Variants in FBH1 observed in about 807,000 individuals in gnomAD.
FBH1 encodes F-box DNA helicase 1, also known as DNA 3'-5' helicase 1.
FBH1 carries 43 observed loss-of-function variants against 115.5 expected under a neutral mutation model. The ratio of observed to expected loss-of-function variants is 0.37; its 90% confidence interval spans 0.29 to 0.48. The LOEUF (loss-of-function observed/expected upper bound fraction) is 0.48. Ranked by LOEUF, FBH1 falls within the 20% of genes least tolerant of loss-of-function variation. The probability of loss-of-function intolerance (pLI) is 0.99; values close to 1 mark genes in which losing one functional copy is unlikely to be tolerated. For synonymous variants in FBH1, 524 were observed against 507.8 expected (o/e 1.03, Z -0.43); for missense variants, 1,001 against 1,337.3 (o/e 0.75, Z 3.92).
At chr10:5,920,374 C>T (rs1453043762) in intron 13 of FBH1, among the ~76,000 whole-genome samples, 1 of 152,234 alleles carries the variant, frequency 6.6e-6, no homozygotes, top group Admixed American at 6.5e-5. Context: ...GGTTTCTTCA[C>T]TGTAGAGTTC....
At position 5,937,092 on chromosome 10, in the gene FBH1, T is replaced by C. The variant is rs766385560; in HGVS notation, c.2962-18T>C. On this transcript the variant is annotated intron_variant, in intron 20 of 20. Transcript: ENST00000362091. ...TTTGGTTGTTCCCCTTAGCTCTCTC[T>C]CTTGTCCATCACCACAGAGCAACAG... is the stretch of plus-strand genomic sequence containing the variant. 6.3e-7 allele frequency: 1 copy of C among 1,581,178 alleles called. No homozygotes were observed. Among genetic ancestry groups the C allele is most frequent in the Non-Finnish European group, 8.6e-7 (1 of 1,162,092 alleles).
At chr10:5,905,997 C>A in intron 2 of FBH1, 40 bp from the exon 3 acceptor site, 2 of 1,427,484 alleles carry the variant, frequency 1.4e-6, no homozygotes, top group Non-Finnish European at 2.0e-6. Flanking sequence ...CAACAGTCAT[C>A]GTTCATTTCT....
Position 5,925,603 on chromosome 10 carries a change from G to T in FBH1, c.2722+111G>T. The T allele has an allele frequency of 1.4e-6, 2 of 1,462,426 alleles. No individual in the cohort carries two copies. The highest frequency in any genetic ancestry group is 1.8e-6 in the Non-Finnish European group (2 of 1,083,534). 90.6% of individuals were successfully genotyped at this position (1,462,426 alleles called of 1,614,324 possible). Reference sequence around the variant, plus strand: ...TTGGATGGTGTGGCCTCCTGGTAGGGCACTTCTGGAAAAACTAAACCACAA... The same window carrying T: ...TTGGATGGTGTGGCCTCCTGGTAGGTCACTTCTGGAAAAACTAAACCACAA... On this transcript the variant is annotated intron_variant, in intron 18 of 20. Coordinates refer to ENST00000362091, the MANE Select transcript of FBH1 (RefSeq NM_178150.3). The surrounding 1 kb of genome is among the most constrained non-coding windows in gnomAD (Gnocchi z 4.6).
In FBH1 at chr10:5,911,994, G is replaced by T. The variant is rs1171426305; in HGVS notation, c.1211+866G>T. ...TGAGGAAGAGAAAAAGTGCAGTGTG[G>T]CAAGGGTGGGAGGGAACACAAGATT... On this transcript the variant is annotated intron_variant, in intron 6 of 20. Coordinates refer to ENST00000362091, the MANE Select transcript of FBH1 (RefSeq NM_178150.3). The surrounding 1 kb of genome is among the most constrained non-coding windows in gnomAD (Gnocchi z 5.4). Among the ~76,000 whole-genome samples, 3 of 152,236 alleles carry T rather than the reference G, an allele frequency of 2.0e-5. No homozygotes were observed. The East Asian group carries it at 5.8e-4, about 29-fold the overall frequency.
rs1320259385 is a variant in FBH1, at chr10:5,931,633, C to T, written c.2829+4092C>T. On this transcript the variant is annotated intron_variant, in intron 19 of 20. Coordinates refer to ENST00000362091, the MANE Select transcript of FBH1 (RefSeq NM_178150.3). The surrounding 1 kb of genome is among the most constrained non-coding windows in gnomAD (Gnocchi z 4.3). ...GAATACTGACTGGACTTGAAGATTT[C>T]CTAACAGCTCCATTTCTCCATGAAT... 6.6e-6 allele frequency among the ~76,000 whole-genome samples: 1 copy of T among 152,088 alleles called. No individual in the cohort carries two copies. Among genetic ancestry groups the T allele is most frequent in the African/African-American group, 2.4e-5 (1 of 41,396 alleles).
In FBH1 at chr10:5,900,845, C is replaced by T. The variant is rs1288082547; in HGVS notation, c.2-2175C>T. On this transcript the variant is annotated intron_variant, in intron 1 of 20. Coordinates refer to ENST00000362091, the MANE Select transcript of FBH1 (RefSeq NM_178150.3). The surrounding 1 kb of genome is among the most constrained non-coding windows in gnomAD (Gnocchi z 4.2). ...GGCACAGTGGCTCACATCTGTAATC[C>T]CAGCACTTTGGGAGGCCGAGGTGGA... Among the ~76,000 whole-genome samples the T allele has an allele frequency of 6.6e-6, 1 of 152,056 alleles. No individual in the cohort carries two copies. The highest frequency in any genetic ancestry group is 2.4e-5 in the African/African-American group (1 of 41,390).
rs1406420148 is a variant in FBH1 at position 5,895,758 on chromosome 10, T to A, written c.1+5412T>A. Among the ~76,000 whole-genome samples the A allele has an allele frequency of 6.6e-6, 1 of 152,154 alleles. No individual in the cohort carries two copies. Among genetic ancestry groups the A allele is most frequent in the African/African-American group, 2.4e-5 (1 of 41,440 alleles). On this transcript the variant is annotated intron_variant, in intron 1 of 20. Coordinates refer to ENST00000362091, the MANE Select transcript of FBH1 (RefSeq NM_178150.3). The surrounding 1 kb of genome is among the most constrained non-coding windows in gnomAD (Gnocchi z 5.0). ...TTTGAACACCCGGCTTCTAAGGATG[T>A]CCTGGGAATCAGCTTCCCAGTTAAG...
upstream of FBH1, chr10:5,890,230 T>A (rs188143833): frequency 2.0e-5 from 7 of 354,386 alleles, no homozygotes; most frequent in Admixed American, 4.8e-5. Flanking sequence ...TCGGCGGGCG[T>A]CTCGGGCTCC....
At chr10:5,905,336 C>G (rs983548937) in intron 2 of FBH1, 1 of 152,144 alleles carries the variant, frequency 6.6e-6, no homozygotes, top group African/African-American at 2.4e-5. Flanking sequence ...CTGGCCAACA[C>G]GGCGAAACCC....
chr10:5,907,716 C>T (rs1015928825), intron 3 of FBH1, among the ~76,000 whole-genome samples: 12 of 152,004 alleles, frequency 7.9e-5, no homozygotes, highest in African/African-American at 1.9e-4. Flanking sequence ...TTAAGTGATC[C>T]GCCTGTCTCA....
Position 5,936,799 on chromosome 10 carries a change from TCTGGGAGG to T in FBH1, c.2961+218_2961+225del. 1.5e-6 allele frequency: 1 copy of T among 653,256 alleles called. No homozygotes were observed. The allele number at this position is 653,256 out of a possible 1,614,324, so 40.5% of individuals were successfully genotyped here. Reference sequence around the variant, plus strand: ...TGCCTGGCTGTGCTGAAGCCGCAGGTCTGGGAGGCTGGGTTGTGATACACGCTTAGAGA... The same window carrying T: ...TGCCTGGCTGTGCTGAAGCCGCAGGTCTGGGTTGTGATACACGCTTAGAGA... On this transcript the variant is annotated intron_variant, in intron 20 of 20. Transcript: ENST00000362091. The surrounding 1 kb of genome is among the most constrained non-coding windows in gnomAD (Gnocchi z 5.6).
rs1426332182 is a variant in FBH1 at position 5,910,095 on chromosome 10, A to G, written c.1020+801A>G. On this transcript the variant is annotated intron_variant, in intron 5 of 20. Coordinates refer to ENST00000362091, the MANE Select transcript of FBH1 (RefSeq NM_178150.3). This position sits in a 1 kb window ranked among gnomAD's most constrained non-coding sequence, Gnocchi z 4.8. ...TCAGGAGTTCGAGACCAGCCTGGCC[A>G]ACATGGTGAAACCCTGTCTCTACCA... Among the ~76,000 whole-genome samples the G allele has an allele frequency of 6.6e-6, 1 of 152,210 alleles. No individual in the cohort carries two copies. The highest frequency in any genetic ancestry group is 1.5e-5 in the Non-Finnish European group (1 of 68,044).
rs982437502 is a variant in FBH1, at chr10:5,918,260, G to A, written c.1964-82G>A. ...GTCCAGTGTGCCCTGGCTTAGCTTC[G>A]TGGAAGTGTTTTTGTCCTTTTCTTT... On this transcript the variant is annotated intron_variant, in intron 12 of 20. Coordinates refer to ENST00000362091, the MANE Select transcript of FBH1 (RefSeq NM_178150.3). This position sits in a 1 kb window ranked among gnomAD's most constrained non-coding sequence, Gnocchi z 4.0. 1.8e-5 allele frequency: 28 copies of A among 1,553,434 alleles called. No homozygotes were observed. The South Asian group carries it at 2.0e-4, about 11-fold the overall frequency.
At chr10:5,903,400 G>A (rs1293574519) in intron 2 of FBH1, among the ~76,000 whole-genome samples, 6 of 149,154 alleles carry the variant, frequency 4.0e-5, no homozygotes, top group African/African-American at 1.2e-4. Context: ...GCGCAATCTC[G>A]GCTCACTGCA....
intron 2 of FBH1, chr10:5,905,210 C>T (rs1843620046): frequency 6.6e-6 from 1 of 152,216 alleles, no homozygotes. Flanking sequence ...AATGTGTCAC[C>T]TTCACAGGAA....
chr10:5,915,809 A>C lies in FBH1; in HGVS notation c.1565+238A>C, dbSNP rs1749475034. The C allele has an allele frequency of 1.3e-5, 7 of 534,156 alleles. No individual in the cohort carries two copies. The South Asian group carries it at 1.4e-4, about 11-fold the overall frequency. 33.1% of individuals were successfully genotyped at this position (534,156 alleles called of 1,614,324 possible). ...CAAGAGGGGTGTTCTCATGGAAGTG[A>C]GGCACAGAAAGTCAAAATGACTTGC... On this transcript the variant is annotated intron_variant, in intron 9 of 20. Transcript: ENST00000362091. This position sits in a 1 kb window ranked among gnomAD's most constrained non-coding sequence, Gnocchi z 5.2.
At chr10:5,902,252 C>T (rs771562613) in intron 1 of FBH1, among the ~76,000 whole-genome samples, 2 of 151,696 alleles carry the variant, frequency 1.3e-5, no homozygotes, top group African/African-American at 4.8e-5. Context: ...GAAACTGCAG[C>T]CTGTTTTATT....
intron 15 of FBH1, among the ~76,000 whole-genome samples, chr10:5,922,405 T>C (rs1206607392): frequency 6.6e-6 from 1 of 152,232 alleles, no homozygotes; most frequent in Non-Finnish European, 1.5e-5. Flanking sequence ...ACTCAACACA[T>C]AGGCATATTT....
intron 1 of FBH1, among the ~76,000 whole-genome samples, chr10:5,898,398 T>G (rs1330553488): frequency 6.6e-6 from 1 of 151,992 alleles, no homozygotes; most frequent in African/African-American, 2.4e-5. Context: ...ACCTTATCAC[T>G]TCCTAGAACC....
Sources: gnomAD v4.1 joint callset for allele counts (sites outside exome capture counted in the v4.1 genomes callset) on GRCh38, gnomAD v4.1.1 for gene constraint, Gnocchi (gnomAD v3.1) non-coding constraint, MANE v1.5 for transcripts, NCBI Gene and HGNC (gene_info 2026-07-23, HGNC 2026-07-21) for gene names.